MAP4: variants seen among roughly 807,000 people sequenced by gnomAD.
The protein encoded by MAP4 is microtubule-associated protein 4.
Under a neutral mutation model 170.2 loss-of-function variants are expected in MAP4, and 76 were observed. The observed-to-expected ratio is 0.45, with a 90% CI of 0.37 to 0.54. MAP4 has a LOEUF of 0.54. Ranked by LOEUF, MAP4 falls within the 20% of genes least tolerant of loss-of-function variation. MAP4 has a pLI of 0.00. For synonymous variants in MAP4, 909 were observed against 994.5 expected, an observed-to-expected ratio of 0.91 and a Z score of 1.62; for missense variants, 2,506 against 2,748.0, an observed-to-expected ratio of 0.91 and a Z score of 1.97.
At chr3:48,016,706 C>G (rs1180347614), upstream of MAP4, among the ~76,000 whole-genome samples, 2 of 152,066 alleles carry the variant, frequency 1.3e-5, no homozygotes, top group Non-Finnish European at 2.9e-5. Context: ...CACTTCCTTC[C>G]TCTAACACAG....
intron 4 of MAP4, among the ~76,000 whole-genome samples, chr3:47,927,565 T>A (rs1449161881): frequency 6.6e-6 from 1 of 152,156 alleles, no homozygotes; most frequent in African/African-American, 2.4e-5. Flanking sequence ...AACCTCCGCC[T>A]CGCAGGTTCA....
intron 1 of MAP4, among the ~76,000 whole-genome samples, chr3:48,064,741 C>T (rs1489410698): frequency 3.9e-5 from 6 of 152,264 alleles, no homozygotes; most frequent in African/African-American, 1.4e-4. Flanking sequence ...CTAGATGGTA[C>T]AGCCTGCTAC....
intron 1 of MAP4, among the ~76,000 whole-genome samples, chr3:48,057,643 AAAG>A (rs1265109877): frequency 7.1e-6 from 1 of 140,128 alleles, no homozygotes; most frequent in Non-Finnish European, 1.5e-5. Flanking sequence ...AAAAGAAAAA[AAAG>A]AAAAAAAAAA....
intron 1 of MAP4, among the ~76,000 whole-genome samples, chr3:48,050,349 T>A (rs1362367780): frequency 6.6e-6 from 1 of 151,858 alleles, no homozygotes; most frequent in African/African-American, 2.4e-5. Context: ...GGATTAATTT[T>A]TATAATATAC....
intron 3 of MAP4, among the ~76,000 whole-genome samples, chr3:47,975,774 A>G (rs1352859188): frequency 6.6e-6 from 1 of 151,358 alleles, no homozygotes; most frequent in African/African-American, 2.4e-5. Flanking sequence ...TAAAACATGC[A>G]TATTTTCAGT....
chr3:47,965,422 T>A (rs755888831), intron 3 of MAP4, among the ~76,000 whole-genome samples: 1 of 152,212 alleles, frequency 6.6e-6, no homozygotes, highest in East Asian at 1.9e-4. Context: ...TATCCAGAAG[T>A]TGGGTTGCTG....
intron 1 of MAP4, among the ~76,000 whole-genome samples, chr3:48,084,977 T>C (rs2100148368): frequency 6.6e-6 from 1 of 151,810 alleles, no homozygotes; most frequent in Non-Finnish European, 1.5e-5. Flanking sequence ...CTCAACCCAC[T>C]CACTCCTAGC....
rs552690854 is a variant in MAP4, at chr3:48,084,314, C to T, written c.-20+4459G>A. Reference sequence around the variant, plus strand: ...TGGGGAGGCTGAGGCAGGAGGATCACTTGAGGCCAGAAGTTCAAGGCTGCA... The same window carrying T: ...TGGGGAGGCTGAGGCAGGAGGATCATTTGAGGCCAGAAGTTCAAGGCTGCA... On this transcript the variant is annotated intron_variant, in intron 1 of 18. Coordinates refer to the MAP4 transcript ENST00000360240. Among the ~76,000 whole-genome samples the T allele has an allele frequency of 6.0e-5, 9 of 149,486 alleles. No individual in the cohort carries two copies. The East Asian group carries it at 1.8e-3, about 30-fold the overall frequency.
intron 1 of MAP4, among the ~76,000 whole-genome samples, chr3:48,047,934 A>G (rs1368016956): frequency 6.6e-6 from 1 of 152,208 alleles, no homozygotes; most frequent in Non-Finnish European, 1.5e-5. Context: ...TATCACTTAA[A>G]AAATAAAGAG....
chr3:48,078,744 T>G (rs1303866977), intron 1 of MAP4, among the ~76,000 whole-genome samples: 1 of 152,094 alleles, frequency 6.6e-6, no homozygotes, highest in African/African-American at 2.4e-5. Context: ...TCAAATTATT[T>G]CAATAAAAAT....
chr3:47,896,681 C>G (rs2100027070), intron 10 of MAP4, among the ~76,000 whole-genome samples: 1 of 152,176 alleles, frequency 6.6e-6, no homozygotes, highest in Non-Finnish European at 1.5e-5. Flanking sequence ...TGGAGAACTG[C>G]TGCACTCTGG....
At chr3:47,880,259 ATTTTTTTTTT>A (rs35700801) in intron 10 of MAP4, among the ~76,000 whole-genome samples, 4 of 106,368 alleles carry the variant, frequency 3.8e-5, no homozygotes, top group African/African-American at 1.2e-4. Context: ...CACCTGGCTA[ATTTTTTTTTT>A]TTTTTTTTTT....
intron 3 of MAP4, among the ~76,000 whole-genome samples, chr3:47,941,724 T>C (rs1578034914): frequency 6.7e-6 from 1 of 149,034 alleles, no homozygotes; most frequent in African/African-American, 2.5e-5. Context: ...GAGGCAGAGG[T>C]TGCAATGAGC....
At chr3:48,029,384 C>A (rs1414796198) in intron 1 of MAP4, among the ~76,000 whole-genome samples, 24 of 152,166 alleles carry the variant, frequency 1.6e-4, no homozygotes, top group Non-Finnish European at 3.1e-4. Context: ...TGCAGTGAGC[C>A]GAGATGGCGC....
At chr3:47,956,463 G>A (rs2100067893) in intron 3 of MAP4, among the ~76,000 whole-genome samples, 2 of 152,244 alleles carry the variant, frequency 1.3e-5, no homozygotes, top group East Asian at 3.8e-4. Flanking sequence ...CTTTCCTTCA[G>A]AGGGCAGAAC....
intron 3 of MAP4, among the ~76,000 whole-genome samples, chr3:47,945,122 G>A (rs957958520): frequency 6.6e-6 from 1 of 151,756 alleles, no homozygotes; most frequent in Non-Finnish European, 1.5e-5. Flanking sequence ...GGAGGCTGAG[G>A]CGGGTGAATC....
intron 2 of MAP4, among the ~76,000 whole-genome samples, chr3:47,992,590 G>A (rs1181314298): frequency 1.3e-5 from 2 of 151,996 alleles, no homozygotes; most frequent in African/African-American, 2.4e-5. Flanking sequence ...ACCACGCCCA[G>A]CTATAATTAT....
intron 1 of MAP4, among the ~76,000 whole-genome samples, chr3:48,027,170 G>C (rs979187092): frequency 2.8e-4 from 43 of 152,118 alleles, no homozygotes; most frequent in African/African-American, 1.0e-3. Flanking sequence ...ACTCATAAAT[G>C]GTCATTGTTT....
At chr3:48,016,512 T>A (rs1338252646), upstream of MAP4, 2 of 152,232 alleles carry the variant, frequency 1.3e-5, no homozygotes, top group Non-Finnish European at 2.9e-5. Flanking sequence ...CTGGTTACGG[T>A]TATGTAGGCC....
Sources: gnomAD v4.1 joint callset for allele counts (sites outside exome capture counted in the v4.1 genomes callset) on GRCh38, gnomAD v4.1.1 for gene constraint, MANE v1.5 for transcripts, NCBI Gene and HGNC (gene_info 2026-07-23, HGNC 2026-07-21) for gene names.